ALK: variants seen among roughly 807,000 people sequenced by gnomAD.
ALK encodes ALK receptor tyrosine kinase.
Under a neutral mutation model 163.1 loss-of-function variants are expected in ALK, and 74 were observed. The ratio of observed to expected loss-of-function variants is 0.45; its 90% CI spans 0.38 to 0.55. ALK has a LOEUF of 0.55. ALK is among the 20% of genes least tolerant of loss of function. The pLI is 0.00. For missense variants in ALK, 2,063 were observed against 2,105.3 expected, an observed-to-expected ratio of 0.98 and a Z score of 0.39; for synonymous variants, 960 against 843.2, an observed-to-expected ratio of 1.14 and a Z score of -2.40.
chr2:29,473,879 T>A (rs111371987), intron 4 of ALK, among the ~76,000 whole-genome samples: 60 of 80,244 alleles, frequency 7.5e-4, no homozygotes, highest in African/African-American at 2.0e-3. Flanking sequence ...ACAAAAACAA[T>A]ACTTCCTATC....
At chr2:29,857,811 C>A (rs967167607) in intron 1 of ALK, among the ~76,000 whole-genome samples, 1 of 152,198 alleles carries the variant, frequency 6.6e-6, no homozygotes, top group African/African-American at 2.4e-5. Context: ...TACCACTAGG[C>A]AAGTGTTAGG....
chr2:29,212,679 A>G (rs1669495618), intron 24 of ALK, among the ~76,000 whole-genome samples: 6 of 152,040 alleles, frequency 3.9e-5, no homozygotes, highest in Admixed American at 3.9e-4. Context: ...CTTGTTATAT[A>G]TTTGCATGAT....
intron 5 of ALK, among the ~76,000 whole-genome samples, chr2:29,356,079 C>A (rs1668238491): frequency 1.3e-5 from 2 of 152,190 alleles, no homozygotes; most frequent in Admixed American, 6.5e-5. Context: ...CCCAAGGCCC[C>A]TCGAGGTCCA....
chr2:29,200,077 A>G (rs1370017860), intron 26 of ALK, among the ~76,000 whole-genome samples: 9 of 152,090 alleles, frequency 5.9e-5, no homozygotes, highest in Non-Finnish European at 1.5e-5. Flanking sequence ...AGATCTCTTG[A>G]TTTTGCTACT....
rs757425571 is a variant in ALK, at chr2:29,694,844, C to T, written c.952+6G>A. On this transcript the variant is annotated splice_donor_region_variant and intron_variant, in intron 3 of 28. Transcript: ENST00000389048. ...CCCAGGACATCACCAGCAGCCTCTCCCTTACCTCTGGGCATCTCCTTAGAA... is the reference window on the plus strand; with the variant it reads ...CCCAGGACATCACCAGCAGCCTCTCTCTTACCTCTGGGCATCTCCTTAGAA... 6.2e-7 allele frequency: 1 copy of T among 1,613,648 alleles called. No homozygotes were observed. The highest frequency in any genetic ancestry group is 8.5e-7 in the Non-Finnish European group (1 of 1,180,002).
chr2:29,887,438 C>T (rs984045534), intron 1 of ALK, among the ~76,000 whole-genome samples: 2 of 152,170 alleles, frequency 1.3e-5, no homozygotes, highest in Non-Finnish European at 2.9e-5. Context: ...AGCTGCACGA[C>T]CTTTTCTGTC....
At chr2:29,355,853 G>A (rs977732620) in intron 5 of ALK, among the ~76,000 whole-genome samples, 3 of 152,144 alleles carry the variant, frequency 2.0e-5, no homozygotes, top group Admixed American at 6.5e-5. Context: ...GATATACAAA[G>A]CCAGAGCTGA....
At chr2:29,209,723 C>T (rs2148154789) in intron 25 of ALK, 63 bp downstream of exon 25, 1 of 1,232,670 alleles carries the variant, frequency 8.1e-7, no homozygotes, top group Non-Finnish European at 1.2e-6. Context: ...GCAGCCACAC[C>T]CCATTCTTGA....
At chr2:29,277,647 G>A (rs948099308) in intron 9 of ALK, among the ~76,000 whole-genome samples, 2 of 152,224 alleles carry the variant, frequency 1.3e-5, no homozygotes, top group African/African-American at 4.8e-5. Context: ...CCATGAAGAA[G>A]TCTCCATGCT....
chr2:29,428,610 A>T (rs964878952), intron 4 of ALK, among the ~76,000 whole-genome samples: 2 of 152,014 alleles, frequency 1.3e-5, no homozygotes, highest in Admixed American at 1.3e-4. Context: ...AAATAAAAAG[A>T]TTAAATTAGT....
At chr2:29,362,734 A>T (rs971469351) in intron 5 of ALK, among the ~76,000 whole-genome samples, 2 of 152,186 alleles carry the variant, frequency 1.3e-5, no homozygotes, top group African/African-American at 4.8e-5. Context: ...TATCCACTGT[A>T]CTGAGCTCTT....
intron 19 of ALK, chr2:29,224,707 A>C (rs2148174318): frequency 4.6e-6 from 1 of 219,072 alleles, no homozygotes; most frequent in Admixed American, 5.8e-5. Flanking sequence ...GAAATGTGTA[A>C]ATTGCCGAGC....
intron 3 of ALK, among the ~76,000 whole-genome samples, chr2:29,656,759 G>A (rs1280130518): frequency 6.6e-6 from 1 of 152,092 alleles, no homozygotes; most frequent in African/African-American, 2.4e-5. Flanking sequence ...AATGAGCAAG[G>A]AGGGATCAAA....
At chr2:29,698,929 A>T (rs7583533) in intron 2 of ALK, among the ~76,000 whole-genome samples, 1 of 152,232 alleles carries the variant, frequency 6.6e-6, no homozygotes. Context: ...CTTACAAAAC[A>T]TGGAGACACA....
chr2:29,731,048 GGTGA>G (rs1301790783), intron 1 of ALK, among the ~76,000 whole-genome samples: 2 of 152,294 alleles, frequency 1.3e-5, no homozygotes, highest in South Asian at 2.1e-4. Flanking sequence ...AGGTGGCATG[GGTGA>G]GTAAGGGCTT....
intron 8 of ALK, among the ~76,000 whole-genome samples, chr2:29,306,765 T>C (rs949424156): frequency 2.0e-5 from 3 of 152,228 alleles, no homozygotes; most frequent in Non-Finnish European, 4.4e-5. Context: ...AACAATAAAA[T>C]TTTTGATCCT....
intron 24 of ALK, among the ~76,000 whole-genome samples, chr2:29,212,189 T>C (rs1442698109): frequency 2.0e-5 from 3 of 152,162 alleles, no homozygotes; most frequent in African/African-American, 4.8e-5. Context: ...CGGGTTGCTC[T>C]CATAGGAGTC....
intron 5 of ALK, among the ~76,000 whole-genome samples, chr2:29,376,120 T>G (rs1286018357): frequency 2.7e-5 from 4 of 148,224 alleles, no homozygotes; most frequent in African/African-American, 1.0e-4. Context: ...CAACCCCCCA[T>G]AAACTTCTCC....
intron 3 of ALK, among the ~76,000 whole-genome samples, chr2:29,554,319 A>G (rs1289803974): frequency 6.6e-6 from 1 of 152,210 alleles, no homozygotes; most frequent in Non-Finnish European, 1.5e-5. Flanking sequence ...TTCCTTAGCT[A>G]TTAGAGCTAG....
Sources: allele counts gnomAD v4.1 joint callset (sites outside exome capture counted in the v4.1 genomes callset), GRCh38; gene constraint gnomAD v4.1.1; transcripts MANE v1.5; gene names NCBI Gene and HGNC (gene_info 2026-07-23, HGNC 2026-07-21).